RBPMS2: variants seen among roughly 807,000 people sequenced by gnomAD.
The protein encoded by RBPMS2 is RNA binding protein, mRNA processing factor 2.
Under a neutral mutation model 25.7 loss-of-function variants are expected in RBPMS2, and 14 were observed. That is an observed-to-expected ratio of 0.55 (90% CI 0.36 to 0.85). The LOEUF (loss-of-function observed/expected upper bound fraction) is 0.85, where lower values mean the gene tolerates loss of function less well. Among genes scored for constraint, RBPMS2 ranks in the 40% least tolerant of loss-of-function variants. The pLI is 0.01. For missense variants in RBPMS2, 252 were observed against 283.4 expected, an observed-to-expected ratio of 0.89 and a Z score of 0.80; for synonymous variants, 127 against 115.6, an observed-to-expected ratio of 1.10 and a Z score of -0.63.
intron 6 of RBPMS2, among the ~76,000 whole-genome samples, chr15:64,745,588 A>T (rs2083611555): frequency 6.6e-6 from 1 of 152,208 alleles, no homozygotes; most frequent in African/African-American, 2.4e-5. Context: ...GTCTGGGAGG[A>T]CCGTGGGATG....
At chr15:64,748,610 T>C in intron 5 of RBPMS2, 43 bp from the exon 6 acceptor site, 1 of 1,510,382 alleles carries the variant, frequency 6.6e-7, no homozygotes, top group South Asian at 1.3e-5. Flanking sequence ...AACACTCGCC[T>C]CCCCTTCCAA....
intron 1 of RBPMS2, among the ~76,000 whole-genome samples, chr15:64,754,701 C>G (rs1008602913): frequency 6.0e-5 from 9 of 150,826 alleles, no homozygotes; most frequent in African/African-American, 2.2e-4. Context: ...AAAACTCCGT[C>G]TCAAAAAAAA....
intron 6 of RBPMS2, 92 bp from the exon 7 acceptor site, chr15:64,741,334 T>A (rs975826286): frequency 7.9e-5 from 78 of 987,152 alleles, no homozygotes; most frequent in Admixed American, 1.1e-4. Context: ...CCCGCTGGAG[T>A]CCTGGTTCTG....
chr15:64,773,940 C>A (rs1342295132), intron 1 of RBPMS2, among the ~76,000 whole-genome samples: 6 of 152,264 alleles, frequency 3.9e-5, no homozygotes, highest in African/African-American at 1.4e-4. Context: ...ACAAATCCAC[C>A]ACACTTAAGT....
At chr15:64,742,083 C>T (rs933309562) in intron 6 of RBPMS2, among the ~76,000 whole-genome samples, 3 of 152,002 alleles carry the variant, frequency 2.0e-5, no homozygotes, top group Non-Finnish European at 4.4e-5. Context: ...GAGAATCGCT[C>T]GAACCCGGGA....
chr15:64,770,370 A>C (rs764028969), intron 1 of RBPMS2, among the ~76,000 whole-genome samples: 4 of 152,210 alleles, frequency 2.6e-5, no homozygotes, highest in African/African-American at 9.7e-5. Context: ...CACTTTCCTC[A>C]TTTATGAAAT....
At chr15:64,762,450 T>C (rs552598696) in intron 1 of RBPMS2, 1 of 534,726 alleles carries the variant, frequency 1.9e-6, no homozygotes, top group Non-Finnish European at 3.8e-6. Flanking sequence ...GGCTTTCCTG[T>C]TATAAAGACA....
At chr15:64,742,627 G>A (rs928561770) in intron 6 of RBPMS2, among the ~76,000 whole-genome samples, 15 of 152,358 alleles carry the variant, frequency 9.8e-5, no homozygotes, top group Admixed American at 7.2e-4. Flanking sequence ...ACAGGGAAAG[G>A]GGTGTGGCGG....
At chr15:64,743,631 G>C (rs953763707) in intron 6 of RBPMS2, among the ~76,000 whole-genome samples, 2 of 40,808 alleles carry the variant, frequency 4.9e-5, no homozygotes, top group African/African-American at 1.5e-4. Context: ...AGGGCCTCCA[G>C]TTGTGCCCAG....
intron 1 of RBPMS2, among the ~76,000 whole-genome samples, chr15:64,770,531 C>G (rs543076246): frequency 6.6e-6 from 1 of 152,242 alleles, no homozygotes; most frequent in South Asian, 2.1e-4. Flanking sequence ...GCAGAGGGGA[C>G]ACATCCACAA....
intron 1 of RBPMS2, among the ~76,000 whole-genome samples, chr15:64,774,349 C>T (rs1030254122): frequency 3.9e-5 from 6 of 152,200 alleles, no homozygotes; most frequent in African/African-American, 7.2e-5. Context: ...GTTCTTGTCT[C>T]CGCCAGCCTA....
At chr15:64,744,346 G>C (rs1027152590) in intron 6 of RBPMS2, among the ~76,000 whole-genome samples, 1 of 151,808 alleles carries the variant, frequency 6.6e-6, no homozygotes, top group African/African-American at 2.4e-5. Context: ...ATCACCTGAG[G>C]TCGAGAGTTC....
intron 1 of RBPMS2, among the ~76,000 whole-genome samples, chr15:64,774,996 C>T (rs1356971593): frequency 6.6e-6 from 1 of 150,538 alleles, no homozygotes; most frequent in Non-Finnish European, 1.5e-5. Flanking sequence ...CCGGCGCGCG[C>T]GGCCCGCCTC....
Position 64,748,550 on chromosome 15 carries a change from C to A in RBPMS2, c.436G>T (p.Ala146Ser), listed in dbSNP as rs1421357944. 6.4e-7 allele frequency: 1 copy of A among 1,567,280 alleles called. No homozygotes were observed. The highest frequency in any genetic ancestry group is 1.4e-5 in the African/African-American group (1 of 73,102). The change falls in exon 6 of 8, where the codon GCT becomes TCT. Residue 146 changes from alanine (A) to serine (S), a missense_variant. Transcript: ENST00000300069. ...ARDPYDLMGA[A>S]LIPASPEAWA... ...GCCTCTGGGGATGCAGGGATCAGAG[C>A]AGCCCCCATCAGGTCATCTACAACA... is the stretch of plus-strand genomic sequence containing the variant.
chr15:64,763,402 C>T (rs1242094315), intron 1 of RBPMS2, among the ~76,000 whole-genome samples: 1 of 152,130 alleles, frequency 6.6e-6, no homozygotes, highest in Non-Finnish European at 1.5e-5. Flanking sequence ...TTGCAAGAAG[C>T]CCCCATCTAG....
chr15:64,751,618 G>T lies in RBPMS2; in HGVS notation c.108C>A (p.Ser36Arg), dbSNP rs372396252. 4 of 1,613,764 alleles carry T rather than the reference G, an allele frequency of 2.5e-6. No individual in the cohort carries two copies. The highest frequency in any genetic ancestry group is 3.4e-6 in the Non-Finnish European group (4 of 1,179,912). The change falls in exon 2 of 8, where the codon AGC becomes AGA. Residue 36 changes from serine to arginine, a missense_variant. By Grantham distance (110) the Ser-to-Arg change is moderately radical. Coordinates refer to ENST00000300069, the MANE Select transcript of RBPMS2 (RefSeq NM_194272.3). Reference sequence around the variant, plus strand: ...TGGGTTTAATGTCCACAGGGAGGCCGCTGACAAACAGTGTCCGGACCTGGA... The same window carrying T: ...TGGGTTTAATGTCCACAGGGAGGCCTCTGACAAACAGTGTCCGGACCTGGA... ...LEEEVRTLFV[S>R]GLPVDIKPRE...
intron 1 of RBPMS2, among the ~76,000 whole-genome samples, chr15:64,771,685 C>G (rs573180246): frequency 2.8e-4 from 42 of 151,600 alleles, no homozygotes; most frequent in African/African-American, 8.2e-4. Flanking sequence ...CAAGGCTGGG[C>G]GCCGTGGCTC....
rs778868445 is a variant in RBPMS2 at position 64,751,582 on chromosome 15, G to A, written c.144C>T (p.Tyr48=). 1 of 1,614,056 alleles carries A rather than the reference G, an allele frequency of 6.2e-7. No individual in the cohort carries two copies. The highest frequency in any genetic ancestry group is 8.5e-7 in the Non-Finnish European group (1 of 1,179,988). The change falls in exon 2 of 8, where the codon TAC becomes TAT. Residue 48 remains tyrosine, a synonymous_variant. Coordinates refer to ENST00000300069, the MANE Select transcript of RBPMS2 (RefSeq NM_194272.3). Reference sequence around the variant, plus strand: ...TCACCTTGAACGGCCGGAAGAGCAAGTAGAGTTCTCTGGGTTTAATGTCCA... The same window carrying A: ...TCACCTTGAACGGCCGGAAGAGCAAATAGAGTTCTCTGGGTTTAATGTCCA... ...LPVDIKPREL[Y]LLFRPFKGYE... is the part of the protein sequence containing the mutation.
intron 1 of RBPMS2, among the ~76,000 whole-genome samples, chr15:64,755,017 G>T (rs2083719732): frequency 6.6e-6 from 1 of 152,070 alleles, no homozygotes; most frequent in Admixed American, 6.6e-5. Context: ...TCTCCCCAGG[G>T]GCCACACATT....
Sources: gnomAD v4.1 joint callset for allele counts (sites outside exome capture counted in the v4.1 genomes callset) on GRCh38, gnomAD v4.1.1 for gene constraint, MANE v1.5 for transcripts, NCBI Gene and HGNC (gene_info 2026-07-23, HGNC 2026-07-21) for gene names.